The following BICRAL variants were observed in gnomAD, a reference collection of about 807,000 sequenced individuals.
BICRAL encodes the protein BRD4-interacting chromatin-remodeling complex-associated protein-like.
BICRAL carries 8 observed loss-of-function variants against 91.8 expected under a neutral mutation model. The ratio of observed to expected loss-of-function variants is 0.09; its 90% CI spans 0.05 to 0.16. The LOEUF (loss-of-function observed/expected upper bound fraction) is 0.16, where lower values mean the gene tolerates loss of function less well. Among genes scored for constraint, BICRAL ranks in the 10% least tolerant of loss-of-function variants. The probability of loss-of-function intolerance (pLI) is 1.00; values close to 1 mark genes in which losing one functional copy is unlikely to be tolerated. For missense variants in BICRAL, 1,038 were observed against 1,310.9 expected (o/e 0.79, Z 3.21); for synonymous variants, 445 against 491.1 (o/e 0.91, Z 1.24).
At chr6:42,817,402 A>T (rs189961174) in intron 2 of BICRAL, among the ~76,000 whole-genome samples, 2 of 152,190 alleles carry the variant, frequency 1.3e-5, no homozygotes, top group East Asian at 3.9e-4. Context: ...AGAGTTTTTT[A>T]AATTAAGATA....
At chr6:42,755,096 A>C (rs1208941686) in intron 1 of BICRAL, among the ~76,000 whole-genome samples, 1 of 152,158 alleles carries the variant, frequency 6.6e-6, no homozygotes, top group Non-Finnish European at 1.5e-5. Context: ...TGAGGAGAAA[A>C]GGGTGGAGGT....
chr6:42,785,296 A>T (rs1763070487), intron 1 of BICRAL, among the ~76,000 whole-genome samples: 1 of 152,118 alleles, frequency 6.6e-6, no homozygotes, highest in Admixed American at 6.6e-5. Flanking sequence ...ACGGTGGCTC[A>T]TGCCTGTAAT....
At chr6:42,759,412 A>G (rs1038805898) in intron 1 of BICRAL, among the ~76,000 whole-genome samples, 1 of 152,178 alleles carries the variant, frequency 6.6e-6, no homozygotes, top group Non-Finnish European at 1.5e-5. Context: ...AACAGATGTT[A>G]GTTTGGAGGC....
intron 1 of BICRAL, among the ~76,000 whole-genome samples, chr6:42,796,526 G>A (rs1247719596): frequency 2.0e-5 from 3 of 152,158 alleles, no homozygotes; most frequent in Non-Finnish European, 4.4e-5. Flanking sequence ...GGGAGGAAAT[G>A]AAGGTTCATT....
At chr6:42,771,229 C>T (rs1474810786) in intron 1 of BICRAL, among the ~76,000 whole-genome samples, 1 of 152,214 alleles carries the variant, frequency 6.6e-6, no homozygotes, top group African/African-American at 2.4e-5. Context: ...GGTTTCCTGT[C>T]GTTGGCGCCA....
chr6:42,757,129 G>A (rs1203785070), intron 1 of BICRAL, among the ~76,000 whole-genome samples: 2 of 152,090 alleles, frequency 1.3e-5, no homozygotes, highest in East Asian at 1.9e-4. Context: ...CAGATTCAAG[G>A]GAAGGAGAAA....
At chr6:42,846,401 A>G (rs1195901233) in intron 6 of BICRAL, among the ~76,000 whole-genome samples, 1 of 151,922 alleles carries the variant, frequency 6.6e-6, no homozygotes, top group Non-Finnish European at 1.5e-5. Context: ...TTAAATAAAT[A>G]AATAAATAAA....
At chr6:42,827,809 C>T (rs1465253198) in intron 5 of BICRAL, among the ~76,000 whole-genome samples, 1 of 152,056 alleles carries the variant, frequency 6.6e-6, no homozygotes, top group Non-Finnish European at 1.5e-5. Context: ...CTCATGAACC[C>T]AGGAGTTCAC....
At chr6:42,831,727 G>C (rs759413924) in intron 6 of BICRAL, among the ~76,000 whole-genome samples, 3 of 148,520 alleles carry the variant, frequency 2.0e-5, no homozygotes, top group Non-Finnish European at 3.0e-5. Context: ...GTTTATATAC[G>C]TCAACATATT....
chr6:42,866,059 GC>G lies in BICRAL; in HGVS notation c.*615del, dbSNP rs1341386238. The G allele has an allele frequency of 6.6e-6, 1 of 152,526 alleles. No individual in the cohort carries two copies. The highest frequency in any genetic ancestry group is 1.5e-5 in the Non-Finnish European group (1 of 68,348). 9.4% of individuals were successfully genotyped at this position (152,526 alleles called of 1,614,324 possible). A position where few individuals can be genotyped will look rare whatever the true frequency, so the allele number is the denominator to read the frequency against. On this transcript the variant is annotated 3_prime_UTR_variant, in exon 13 of 13. Coordinates refer to ENST00000314073, the MANE Select transcript of BICRAL (RefSeq NM_001393499.1). ...AGGGACCCGCAGCCCTGGTGGAAAAGCCAGTAGCACATACGCAGGGCATTGC... is the reference window on the plus strand; with the variant it reads ...AGGGACCCGCAGCCCTGGTGGAAAAGCAGTAGCACATACGCAGGGCATTGC...
At chr6:42,783,886 C>T (rs535693290) in intron 1 of BICRAL, among the ~76,000 whole-genome samples, 2 of 152,342 alleles carry the variant, frequency 1.3e-5, no homozygotes, top group South Asian at 4.1e-4. Flanking sequence ...TTTGTCTTCT[C>T]TGGCCCGGCG....
chr6:42,821,877 A>G (rs1764146577), intron 2 of BICRAL, 141 bp from the exon 3 acceptor site: 2 of 474,322 alleles, frequency 4.2e-6, no homozygotes, highest in Non-Finnish European at 3.8e-6. Context: ...TTAAAATTAC[A>G]TTAATATTAA....
intron 6 of BICRAL, among the ~76,000 whole-genome samples, chr6:42,830,536 G>A (rs1764442545): frequency 6.6e-6 from 1 of 151,418 alleles, no homozygotes; most frequent in East Asian, 1.9e-4. Context: ...ACTGCACTGG[G>A]TGATAGAGTG....
Position 42,868,445 on chromosome 6 carries a change from CT to C in BICRAL, c.*3000del, listed in dbSNP as rs1765774340. 6.7e-6 allele frequency: 1 copy of C among 150,256 alleles called. No homozygotes were observed. Among genetic ancestry groups the C allele is most frequent in the Non-Finnish European group, 1.5e-5 (1 of 67,688 alleles). 9.3% of individuals were successfully genotyped at this position (150,256 alleles called of 1,614,324 possible). ...TTTATTTTGTTATGTTGGATAAATA[CT>C]GTTAAAAGAAACCAGTCAGTAACTA... is the stretch of plus-strand genomic sequence containing the variant. On this transcript the variant is annotated 3_prime_UTR_variant, in exon 13 of 13. Transcript: ENST00000314073.
At chr6:42,834,290 C>T (rs1011212724) in intron 6 of BICRAL, among the ~76,000 whole-genome samples, 1 of 152,224 alleles carries the variant, frequency 6.6e-6, no homozygotes, top group African/African-American at 2.4e-5. Context: ...GGTGATCTCA[C>T]CTTGAACACT....
At chr6:42,828,406 A>C (rs1764367806) in intron 5 of BICRAL, 87 bp from the exon 6 acceptor site, 3 of 1,286,362 alleles carry the variant, frequency 2.3e-6, no homozygotes, top group Non-Finnish European at 2.1e-6. Context: ...ATCTCAAAAA[A>C]AAAAAAAAAA....
intron 1 of BICRAL, among the ~76,000 whole-genome samples, chr6:42,795,258 C>T (rs1480153444): frequency 6.6e-6 from 1 of 152,132 alleles, no homozygotes; most frequent in Admixed American, 6.6e-5. Flanking sequence ...TGGCGAGACC[C>T]CGTCTCTACT....
At chr6:42,758,747 C>T (rs1385857096) in intron 1 of BICRAL, among the ~76,000 whole-genome samples, 6 of 150,868 alleles carry the variant, frequency 4.0e-5, no homozygotes, top group Non-Finnish European at 8.8e-5. Flanking sequence ...AATTGAGTGG[C>T]ATCTATCCAG....
intron 1 of BICRAL, among the ~76,000 whole-genome samples, chr6:42,754,102 A>C (rs111420028): frequency 5.6e-4 from 84 of 151,034 alleles, no homozygotes; most frequent in African/African-American, 1.9e-3. Context: ...GGAAGGCATG[A>C]GCACTTCCCA....
Sources: allele counts gnomAD v4.1 joint callset (sites outside exome capture counted in the v4.1 genomes callset), GRCh38; gene constraint gnomAD v4.1.1; transcripts MANE v1.5; gene names NCBI Gene and HGNC (gene_info 2026-07-23, HGNC 2026-07-21).